Variants in BCAS3 observed in about 807,000 individuals in gnomAD.
BCAS3 encodes the protein BCAS3 microtubule associated cell migration factor, also known as BCAS4/BCAS3 fusion.
Under a neutral mutation model 116.1 loss-of-function variants are expected in BCAS3, and 53 were observed. The observed-to-expected ratio is 0.46, with a 90% CI of 0.37 to 0.57. BCAS3 has a LOEUF of 0.57. Among genes scored for constraint, BCAS3 ranks in the 20% least tolerant of loss-of-function variants. The pLI is 0.00. For missense variants in BCAS3, 917 were observed against 1,165.4 expected (o/e 0.79, Z 3.10); for synonymous variants, 391 against 408.2 (o/e 0.96, Z 0.51).
At chr17:60,880,938 T>G (rs2056074248) in intron 9 of BCAS3, among the ~76,000 whole-genome samples, 1 of 149,936 alleles carries the variant, frequency 6.7e-6, no homozygotes, top group African/African-American at 2.5e-5. Flanking sequence ...TTAGATTGTC[T>G]TTTCACTTTC....
intron 12 of BCAS3, among the ~76,000 whole-genome samples, chr17:60,912,379 A>G (rs1599636092): frequency 6.6e-6 from 1 of 152,234 alleles, no homozygotes; most frequent in East Asian, 1.9e-4. Flanking sequence ...TCCAGTATAT[A>G]TGGGTTGGTG....
At chr17:60,837,325 A>G (rs1444893820) in intron 7 of BCAS3, among the ~76,000 whole-genome samples, 2 of 152,146 alleles carry the variant, frequency 1.3e-5, no homozygotes, top group African/African-American at 4.8e-5. Flanking sequence ...AACTTTATTT[A>G]TTTGGAATTT....
intron 22 of BCAS3, among the ~76,000 whole-genome samples, chr17:61,280,080 A>G (rs2144663412): frequency 6.6e-6 from 1 of 152,266 alleles, no homozygotes; most frequent in East Asian, 1.9e-4. Context: ...CAAAGAGTAG[A>G]GTTTAAGGGA....
intron 13 of BCAS3, among the ~76,000 whole-genome samples, chr17:60,943,152 A>G (rs1316423204): frequency 6.6e-6 from 1 of 152,176 alleles, no homozygotes; most frequent in African/African-American, 2.4e-5. Flanking sequence ...TTCCAAATAA[A>G]TAGTCCCATA....
At chr17:61,269,896 C>T (rs373899012) in intron 22 of BCAS3, among the ~76,000 whole-genome samples, 80 of 151,682 alleles carry the variant, frequency 5.3e-4, no homozygotes, top group African/African-American at 1.7e-3. Context: ...CTCCGCCTCC[C>T]GGGTTCAAAC....
At chr17:60,935,427 T>C (rs1410388582) in intron 13 of BCAS3, among the ~76,000 whole-genome samples, 2 of 152,188 alleles carry the variant, frequency 1.3e-5, no homozygotes, top group African/African-American at 4.8e-5. Flanking sequence ...TTTGATTGTT[T>C]CTAAGAAGAC....
At chr17:61,110,964 C>A (rs7214175) in intron 22 of BCAS3, among the ~76,000 whole-genome samples, 1 of 151,850 alleles carries the variant, frequency 6.6e-6, no homozygotes, top group Non-Finnish European at 1.5e-5. Context: ...AGGCACCCCC[C>A]AGCAGGGGCA....
rs1179826174 is a variant in BCAS3, at chr17:61,188,499, A to G, written c.2425+103935A>G. On this transcript the variant is annotated intron_variant, in intron 22 of 23. Transcript: ENST00000407086. This position sits in a 1 kb window ranked among gnomAD's most constrained non-coding sequence, Gnocchi z 4.0. ...TAGGTGTTTTATATCAAAGTTGTTT[A>G]TCTTAAATCTTGGCTCATTTGATTA... 6.6e-6 allele frequency among the ~76,000 whole-genome samples: 1 copy of G among 152,228 alleles called. No homozygotes were observed. Among genetic ancestry groups the G allele is most frequent in the Non-Finnish European group, 1.5e-5 (1 of 68,044 alleles).
intron 22 of BCAS3, among the ~76,000 whole-genome samples, chr17:61,266,316 G>C (rs529671497): frequency 6.6e-6 from 1 of 152,176 alleles, no homozygotes; most frequent in African/African-American, 2.4e-5. Context: ...AAGAGAAAGA[G>C]ACACACACCA....
intron 14 of BCAS3, among the ~76,000 whole-genome samples, chr17:60,972,350 C>T (rs968538169): frequency 1.4e-4 from 22 of 151,932 alleles, no homozygotes; most frequent in Non-Finnish European, 2.6e-4. Flanking sequence ...GTGACAATTG[C>T]CCTTCAGTAA....
chr17:60,785,514 C>T (rs1182050277), intron 6 of BCAS3, among the ~76,000 whole-genome samples: 1 of 152,136 alleles, frequency 6.6e-6, no homozygotes, highest in Non-Finnish European at 1.5e-5. Flanking sequence ...CGTACATTAC[C>T]AGAATAGAGT....
rs1454415447 is a variant in BCAS3 at position 61,343,514 on chromosome 17, A to T, written c.2426-24813A>T. On this transcript the variant is annotated intron_variant, in intron 22 of 23. Transcript: ENST00000407086. This position sits in a 1 kb window ranked among gnomAD's most constrained non-coding sequence, Gnocchi z 5.5. ...CTTTTGCCCCAGAAGTTCTGACTCT[A>T]GTCTGGAGTGGGCCTTGTAGCTCCA... 1.3e-5 allele frequency among the ~76,000 whole-genome samples: 2 copies of T among 152,348 alleles called. No homozygotes were observed. Among genetic ancestry groups the T allele is most frequent in the South Asian group, 4.1e-4 (2 of 4,826 alleles).
chr17:61,388,579 T>A lies in BCAS3; in HGVS notation c.2594-3398T>A. On this transcript the variant is annotated intron_variant, in intron 23 of 23. Transcript: ENST00000407086. This position sits in a 1 kb window ranked among gnomAD's most constrained non-coding sequence, Gnocchi z 6.5. Reference sequence around the variant, plus strand: ...GTACTTCTCAATCGTTGTCCATATCTTTTCCAAAAAGATTCCTCAATGCTT... The same window carrying A: ...GTACTTCTCAATCGTTGTCCATATCATTTCCAAAAAGATTCCTCAATGCTT... 1 of 1,522,670 alleles carries A rather than the reference T, an allele frequency of 6.6e-7. No individual in the cohort carries two copies. Among genetic ancestry groups the A allele is most frequent in the Non-Finnish European group, 8.8e-7 (1 of 1,138,202 alleles). The allele number at this position is 1,522,670 out of a possible 1,614,324, so 94.3% of individuals were successfully genotyped here.
chr17:60,749,122 C>T (rs1424314406), intron 6 of BCAS3: 1 of 152,082 alleles, frequency 6.6e-6, no homozygotes, highest in Non-Finnish European at 1.5e-5. Flanking sequence ...GTAATACCCA[C>T]TTTTCTCTTT....
intron 4 of BCAS3, among the ~76,000 whole-genome samples, chr17:60,694,977 G>A (rs2035389182): frequency 6.6e-6 from 1 of 151,962 alleles, no homozygotes; most frequent in Middle Eastern, 3.2e-3. Context: ...CCTCACATGG[G>A]TAGAATGATA....
At chr17:61,264,425 T>G (rs1010620773) in intron 22 of BCAS3, among the ~76,000 whole-genome samples, 2 of 151,444 alleles carry the variant, frequency 1.3e-5, no homozygotes, top group African/African-American at 4.8e-5. Context: ...TTTTTTTTTT[T>G]AGAGAGAGAG....
intron 7 of BCAS3, among the ~76,000 whole-genome samples, chr17:60,812,578 G>T (rs1041266762): frequency 6.6e-6 from 1 of 152,132 alleles, no homozygotes; most frequent in African/African-American, 2.4e-5. Context: ...CAGGGGAGGA[G>T]ATTTATGACA....
At position 61,241,757 on chromosome 17, in the gene BCAS3, G is replaced by A. The variant is rs1602133328; in HGVS notation, c.2426-126570G>A. Among the ~76,000 whole-genome samples the A allele has an allele frequency of 6.6e-6, 1 of 152,016 alleles. No homozygotes were observed. The highest frequency in any genetic ancestry group is 1.9e-4 in the East Asian group (1 of 5,166). On this transcript the variant is annotated intron_variant, in intron 22 of 23. Coordinates refer to ENST00000407086, the MANE Select transcript of BCAS3 (RefSeq NM_017679.5). The surrounding 1 kb of genome is among the most constrained non-coding windows in gnomAD (Gnocchi z 4.6). ...AAGAATAATAGTTTGGAGGTAAAAT[G>A]AGTCTAAAAAATGTACTTACCTATT... is the stretch of plus-strand genomic sequence containing the variant.
chr17:60,881,417 A>C (rs1051223375), intron 9 of BCAS3, among the ~76,000 whole-genome samples: 20 of 151,982 alleles, frequency 1.3e-4, no homozygotes, highest in African/African-American at 4.8e-4. Flanking sequence ...ACAGTATTTC[A>C]TTCTAAGAAT....
Sources: gnomAD v4.1 joint callset for allele counts (sites outside exome capture counted in the v4.1 genomes callset) on GRCh38, gnomAD v4.1.1 for gene constraint, Gnocchi (gnomAD v3.1) non-coding constraint, MANE v1.5 for transcripts, NCBI Gene and HGNC (gene_info 2026-07-23, HGNC 2026-07-21) for gene names.